The following PLCB1 variants were observed in gnomAD, a reference collection of about 807,000 sequenced individuals.
PLCB1 encodes the protein phospholipase C beta 1, also known as 1-phosphatidylinositol 4,5-bisphosphate phosphodiesterase beta-1.
PLCB1 carries 46 observed loss-of-function variants against 161.8 expected under a neutral mutation model. The observed-to-expected ratio is 0.28, with a 90% CI of 0.22 to 0.36. The LOEUF is 0.36. Ranked by LOEUF, PLCB1 falls within the 10% of genes least tolerant of loss-of-function variation. The pLI, the probability that PLCB1 is intolerant of heterozygous loss-of-function variation, is 1.00. For missense variants in PLCB1, 1,016 were observed against 1,472.5 expected, an observed-to-expected ratio of 0.69 and a Z score of 5.07; for synonymous variants, 517 against 503.7, an observed-to-expected ratio of 1.03 and a Z score of -0.35.
At chr20:8,807,191 T>C (rs1984580589) in intron 31 of PLCB1, among the ~76,000 whole-genome samples, 1 of 152,174 alleles carries the variant, frequency 6.6e-6, no homozygotes, top group African/African-American at 2.4e-5. Context: ...ATAATAGTTA[T>C]GAGATCCAGA....
intron 31 of PLCB1, among the ~76,000 whole-genome samples, chr20:8,817,246 G>T (rs970314264): frequency 6.6e-6 from 1 of 152,184 alleles, no homozygotes; most frequent in Non-Finnish European, 1.5e-5. Flanking sequence ...AGTAGAGAAC[G>T]CTCAGAGGAC....
intron 27 of PLCB1, among the ~76,000 whole-genome samples, chr20:8,780,059 A>G (rs1983136571): frequency 6.6e-6 from 1 of 152,252 alleles, no homozygotes; most frequent in Admixed American, 6.5e-5. Flanking sequence ...TTTGCTCCAG[A>G]GAAGAACTAC....
At chr20:8,246,425 G>A (rs564300740) in intron 2 of PLCB1, among the ~76,000 whole-genome samples, 1 of 152,040 alleles carries the variant, frequency 6.6e-6, no homozygotes, top group African/African-American at 2.4e-5. Flanking sequence ...GCACATGTAG[G>A]GGTATGGTTT....
intron 31 of PLCB1, among the ~76,000 whole-genome samples, chr20:8,855,087 A>G (rs553858495): frequency 6.6e-6 from 1 of 152,242 alleles, no homozygotes; most frequent in South Asian, 2.1e-4. Flanking sequence ...TAATAGGGGG[A>G]TGTGATCAAA....
At chr20:8,691,995 C>G (rs1187048720) in intron 10 of PLCB1, among the ~76,000 whole-genome samples, 2 of 152,114 alleles carry the variant, frequency 1.3e-5, no homozygotes, top group African/African-American at 4.8e-5. Context: ...TACTTGTGCA[C>G]CTCTTCATAA....
chr20:8,719,579 A>G (rs536452468), intron 14 of PLCB1, among the ~76,000 whole-genome samples: 4 of 152,174 alleles, frequency 2.6e-5, no homozygotes, highest in South Asian at 2.1e-4. Context: ...GATTTAACCT[A>G]TATAACACAC....
intron 3 of PLCB1, among the ~76,000 whole-genome samples, chr20:8,409,914 G>C (rs1296514521): frequency 6.6e-6 from 1 of 152,162 alleles, no homozygotes; most frequent in African/African-American, 2.4e-5. Flanking sequence ...TCCCCCCATT[G>C]AATCTGATTT....
chr20:8,332,893 A>G (rs2745783), intron 2 of PLCB1, among the ~76,000 whole-genome samples: 2,254 of 152,286 alleles, frequency 0.015, 54 homozygotes, highest in African/African-American at 0.05. Context: ...AACTTTTAGG[A>G]TCTTATTTGA....
intron 19 of PLCB1, among the ~76,000 whole-genome samples, chr20:8,733,654 G>T (rs184248121): frequency 7.3e-5 from 11 of 150,816 alleles, no homozygotes; most frequent in Non-Finnish European, 1.5e-4. Flanking sequence ...TGGGGGGAGC[G>T]GGGAGGGATA....
At chr20:8,780,347 C>T (rs1241327759) in intron 27 of PLCB1, among the ~76,000 whole-genome samples, 1 of 152,116 alleles carries the variant, frequency 6.6e-6, no homozygotes, top group African/African-American at 2.4e-5. Context: ...CTCGACCCAC[C>T]ATTTTGTCTT....
chr20:8,712,136 A>T (rs1042632215), intron 12 of PLCB1, among the ~76,000 whole-genome samples: 1 of 152,130 alleles, frequency 6.6e-6, no homozygotes, highest in Non-Finnish European at 1.5e-5. Flanking sequence ...TCCAGTCTCT[A>T]CTACAAATAC....
chr20:8,156,019 A>G (rs1229200344), intron 2 of PLCB1, among the ~76,000 whole-genome samples: 1 of 152,136 alleles, frequency 6.6e-6, no homozygotes, highest in East Asian at 1.9e-4. Context: ...CTTCACCAGT[A>G]TTGATGATAT....
At chr20:8,286,281 G>A (rs1200635811) in intron 2 of PLCB1, among the ~76,000 whole-genome samples, 2 of 152,166 alleles carry the variant, frequency 1.3e-5, no homozygotes, top group Admixed American at 6.5e-5. Flanking sequence ...CCAAGATGGT[G>A]CCACTGCACT....
chr20:8,625,226 C>T (rs1163250521), intron 3 of PLCB1: 2 of 152,146 alleles, frequency 1.3e-5, no homozygotes, highest in African/African-American at 4.8e-5. Flanking sequence ...CCTCTAAAAA[C>T]TTGATGCATT....
At chr20:8,436,207 T>C (rs1311501668) in intron 3 of PLCB1, among the ~76,000 whole-genome samples, 2 of 151,894 alleles carry the variant, frequency 1.3e-5, no homozygotes, top group Non-Finnish European at 2.9e-5. Context: ...CATGGTTAAT[T>C]AGCCCTGCTA....
chr20:8,467,156 G>A (rs1981859208), intron 3 of PLCB1, among the ~76,000 whole-genome samples: 1 of 152,042 alleles, frequency 6.6e-6, no homozygotes, highest in Non-Finnish European at 1.5e-5. Context: ...GGCCAGGCTG[G>A]TCTCAAACTC....
At chr20:8,859,550 A>T (rs1987185122) in intron 31 of PLCB1, among the ~76,000 whole-genome samples, 1 of 152,066 alleles carries the variant, frequency 6.6e-6, no homozygotes, top group African/African-American at 2.4e-5. Flanking sequence ...AGATGGCATC[A>T]TGGTTAGCTT....
At chr20:8,512,675 C>T (rs1350785490) in intron 3 of PLCB1, among the ~76,000 whole-genome samples, 1 of 151,602 alleles carries the variant, frequency 6.6e-6, no homozygotes, top group East Asian at 1.9e-4. Context: ...ACAATCTGTA[C>T]CCTCATAATA....
Position 8,341,100 on chromosome 20 carries a change from C to G in PLCB1, c.178-30282C>G, listed in dbSNP as rs576720509. Among the ~76,000 whole-genome samples, 21 of 152,130 alleles carry G rather than the reference C, an allele frequency of 1.4e-4. No homozygotes were observed. In the East Asian group the frequency reaches 3.9e-3, roughly 28 times the overall value. On this transcript the variant is annotated intron_variant, in intron 2 of 31. Transcript: ENST00000338037. The stretch of plus-strand genomic sequence containing the variant: ...ACCTCCTTTCCCTTGTTCCACCATG[C>G]CCCCCTCCCATATACACATCACAAA...
Sources: allele counts gnomAD v4.1 joint callset (sites outside exome capture counted in the v4.1 genomes callset), GRCh38; gene constraint gnomAD v4.1.1; transcripts MANE v1.5; gene names NCBI Gene and HGNC (gene_info 2026-07-23, HGNC 2026-07-21).